Variants in SPATA6 observed in about 807,000 individuals in gnomAD.
SPATA6 encodes the protein spermatogenesis associated 6.
In SPATA6, 56 loss-of-function variants were observed where a neutral mutation model predicts 65.3. The ratio of observed to expected loss-of-function variants is 0.86; its 90% CI spans 0.69 to 1.07. The LOEUF is 1.07. Among genes scored for constraint, SPATA6 ranks in the 50% least tolerant of loss-of-function variants. The pLI is 0.00. For missense variants in SPATA6, 590 were observed against 594.8 expected, an observed-to-expected ratio of 0.99 and a Z score of 0.08; for synonymous variants, 199 against 213.2, an observed-to-expected ratio of 0.93 and a Z score of 0.58.
chr1:48,298,959 A>G, intron 12 of SPATA6, 66 bp from the exon 13 acceptor site: 1 of 1,485,818 alleles, frequency 6.7e-7, no homozygotes. Context: ...TACTATGTAA[A>G]TCAAATATTT....
chr1:48,367,155 G>A (rs1647047909), intron 9 of SPATA6, among the ~76,000 whole-genome samples: 1 of 152,160 alleles, frequency 6.6e-6, no homozygotes, highest in Non-Finnish European at 1.5e-5. Context: ...ACTGTGGTCT[G>A]AGAGACAGTT....
intron 11 of SPATA6, among the ~76,000 whole-genome samples, chr1:48,330,710 G>A (rs1428898859): frequency 6.6e-6 from 1 of 152,206 alleles, no homozygotes; most frequent in Non-Finnish European, 1.5e-5. Flanking sequence ...TGAAAGGCAG[G>A]GCTGGAAACC....
chr1:48,441,637 C>T (rs930431171), intron 3 of SPATA6, among the ~76,000 whole-genome samples: 1 of 151,726 alleles, frequency 6.6e-6, no homozygotes, highest in Non-Finnish European at 1.5e-5. Flanking sequence ...CAAAACTTCT[C>T]TTTACACGTC....
intron 11 of SPATA6, among the ~76,000 whole-genome samples, chr1:48,329,531 T>C (rs1421063036): frequency 6.6e-6 from 1 of 152,186 alleles, no homozygotes; most frequent in Non-Finnish European, 1.5e-5. Context: ...ACTATTATCA[T>C]GATTGAAAAG....
chr1:48,375,657 A>C (rs1437626921), intron 9 of SPATA6, among the ~76,000 whole-genome samples: 1 of 152,186 alleles, frequency 6.6e-6, no homozygotes, highest in Non-Finnish European at 1.5e-5. Flanking sequence ...AAATGAGGGC[A>C]AAGACAAAAT....
At chr1:48,312,150 C>T (rs376616816) in intron 11 of SPATA6, among the ~76,000 whole-genome samples, 54 of 152,288 alleles carry the variant, frequency 3.5e-4, no homozygotes, top group African/African-American at 1.1e-3. Flanking sequence ...CAGGGAATAG[C>T]GAAACAAAAG....
chr1:48,444,747 T>C (rs1655852132), intron 3 of SPATA6, among the ~76,000 whole-genome samples: 1 of 152,272 alleles, frequency 6.6e-6, no homozygotes, highest in African/African-American at 2.4e-5. Flanking sequence ...GCTCACTCTT[T>C]CGGTCCGTGC....
At chr1:48,261,524 G>C in the SPATA6 span, among the ~76,000 whole-genome samples, 1 of 151,878 alleles carries the variant, frequency 6.6e-6, no homozygotes, top group African/African-American at 2.4e-5. Context: ...TTCCAATTTA[G>C]ATTCTATGTA....
Position 48,381,594 on chromosome 1 carries a change from A to G in SPATA6, c.909+3715T>C, listed in dbSNP as rs115497907. ...TAGCACAAAATCGTTTAAGAAAATA[A>G]ATAGTTTAAGTAAGTACATAAACAA... On this transcript the variant is annotated intron_variant, in intron 9 of 12. Coordinates refer to ENST00000371847, the MANE Select transcript of SPATA6 (RefSeq NM_019073.4). Among the ~76,000 whole-genome samples the G allele has an allele frequency of 8.4e-3, 1,278 of 151,568 alleles. 22 individuals are homozygous for G. The highest frequency in any genetic ancestry group is 0.03 in the African/African-American group (1,239 of 41,398).
At chr1:48,308,251 CT>C (rs1426739629) in intron 11 of SPATA6, among the ~76,000 whole-genome samples, 1 of 151,938 alleles carries the variant, frequency 6.6e-6, no homozygotes, top group African/African-American at 2.4e-5. Flanking sequence ...TTTCTTACTA[CT>C]TTCCATGAGG....
chr1:48,433,496 TCTC>T (rs1654600205), intron 3 of SPATA6, among the ~76,000 whole-genome samples: 1 of 152,172 alleles, frequency 6.6e-6, no homozygotes, highest in Admixed American at 6.5e-5. Context: ...CTGTAAAACT[TCTC>T]ATTTTCACAT....
At chr1:48,268,647 A>C in the SPATA6 span, among the ~76,000 whole-genome samples, 146 of 152,336 alleles carry the variant, frequency 9.6e-4, no homozygotes, top group African/African-American at 3.4e-3. Flanking sequence ...TAAAAATACT[A>C]CCTTAACTGT....
the SPATA6 span, among the ~76,000 whole-genome samples, chr1:48,270,156 C>T: frequency 5.3e-5 from 8 of 152,244 alleles, no homozygotes; most frequent in East Asian, 1.5e-3. Context: ...GGAAGTGCAT[C>T]CTAAGTCTTT....
the SPATA6 span, among the ~76,000 whole-genome samples, chr1:48,284,991 C>T: frequency 2.6e-5 from 4 of 152,330 alleles, no homozygotes; most frequent in Admixed American, 6.5e-5. Flanking sequence ...TCAGAGCCAG[C>T]ACGCAGGAAC....
rs1171531472 is a variant in SPATA6 at position 48,297,748 on chromosome 1, G to C, written c.*965C>G. 1.3e-5 allele frequency: 2 copies of C among 151,866 alleles called. No homozygotes were observed. Among genetic ancestry groups the C allele is most frequent in the African/African-American group, 2.4e-5 (1 of 41,338 alleles). The allele number at this position is 151,866 out of a possible 1,614,324, so 9.4% of individuals were successfully genotyped here. The stretch of plus-strand genomic sequence containing the variant: ...TGTGTGCTGGGGTGGGGGAGGAGAA[G>C]TTAATTCTATCCATCAATCAACAAC... On this transcript the variant is annotated 3_prime_UTR_variant, in exon 13 of 13. Coordinates refer to ENST00000371847, the MANE Select transcript of SPATA6 (RefSeq NM_019073.4).
intron 11 of SPATA6, among the ~76,000 whole-genome samples, chr1:48,314,533 T>C (rs938117387): frequency 6.6e-6 from 1 of 152,160 alleles, no homozygotes; most frequent in African/African-American, 2.4e-5. Context: ...CTGGGACACA[T>C]TTAAAGCACT....
intron 3 of SPATA6, among the ~76,000 whole-genome samples, chr1:48,439,808 TG>T (rs1427293654): frequency 6.6e-6 from 1 of 152,150 alleles, no homozygotes; most frequent in African/African-American, 2.4e-5. Context: ...CCGCAAACCC[TG>T]AAAAAGCAGC....
intron 3 of SPATA6, chr1:48,436,091 C>T (rs1271744792): frequency 1.2e-6 from 2 of 1,609,762 alleles, no homozygotes; most frequent in Non-Finnish European, 1.7e-6. Context: ...TGGTCACCTC[C>T]ATCCACTAGA....
chr1:48,330,334 G>A (rs925681150), intron 11 of SPATA6, among the ~76,000 whole-genome samples: 8 of 152,084 alleles, frequency 5.3e-5, no homozygotes, highest in Admixed American at 2.0e-4. Context: ...GGCAGGTGAC[G>A]CCTGCTAGAG....
Sources: allele counts gnomAD v4.1 joint callset (sites outside exome capture counted in the v4.1 genomes callset), GRCh38; gene constraint gnomAD v4.1.1; transcripts MANE v1.5; gene names NCBI Gene and HGNC (gene_info 2026-07-23, HGNC 2026-07-21).